Variants in PGS1 observed in about 807,000 individuals in gnomAD.
PGS1 encodes phosphatidylglycerophosphate synthase 1.
In PGS1, 44 loss-of-function variants were observed where a neutral mutation model predicts 58.3. The observed-to-expected ratio is 0.75, with a 90% CI of 0.59 to 0.97. The LOEUF is 0.97. Among genes scored for constraint, PGS1 ranks in the 50% least tolerant of loss-of-function variants. PGS1 has a pLI of 0.00. For synonymous variants in PGS1, 330 were observed against 311.0 expected (o/e 1.06, Z -0.64); for missense variants, 684 against 731.1 (o/e 0.94, Z 0.74).
Position 78,400,567 on chromosome 17 carries a change from G to A in PGS1, c.702-110G>A. 1.2e-6 allele frequency: 1 copy of A among 837,872 alleles called. No individual in the cohort carries two copies. Among genetic ancestry groups the A allele is most frequent in the Non-Finnish European group, 2.0e-6 (1 of 505,306 alleles). The allele number at this position is 837,872 out of a possible 1,614,324, so 51.9% of individuals were successfully genotyped here. ...AGTAGCTATTTGTTAACTGCATCTT[G>A]ACCTGAGTTTGTCACCCCCCTGCTA... On this transcript the variant is annotated intron_variant, in intron 5 of 9. Coordinates refer to ENST00000262764, the MANE Select transcript of PGS1 (RefSeq NM_024419.5). This position sits in a 1 kb window ranked among gnomAD's most constrained non-coding sequence, Gnocchi z 4.4.
chr17:78,418,332 A>G lies in PGS1; in HGVS notation c.1552-1214A>G, dbSNP rs528257961. On this transcript the variant is annotated intron_variant, in intron 8 of 9. Transcript: ENST00000262764. ...AAGAAACTAACCCTTTCTGTAGGGA[A>G]AACCACTGAAGCCATTGTGATGATT... Among the ~76,000 whole-genome samples, 17 of 152,330 alleles carry G rather than the reference A, an allele frequency of 1.1e-4. 1 individual carries two copies. The highest frequency in any genetic ancestry group is 6.5e-4 in the Admixed American group (10 of 15,302).
chr17:78,419,953 T>G, intron 9 of PGS1: 1 of 1,192,514 alleles, frequency 8.4e-7, no homozygotes, highest in Non-Finnish European at 1.1e-6. Flanking sequence ...CCCCTTCTGC[T>G]CTCCCTTCCC....
intron 1 of PGS1, among the ~76,000 whole-genome samples, chr17:78,390,609 G>A (rs1476969609): frequency 6.6e-6 from 1 of 152,180 alleles, no homozygotes; most frequent in Non-Finnish European, 1.5e-5. Flanking sequence ...GGATGTTTGA[G>A]CATCCTCTCC....
chr17:78,399,373 G>A lies in PGS1; in HGVS notation c.537G>A (p.Leu179=). The A allele has an allele frequency of 1.9e-6, 3 of 1,614,048 alleles. No homozygotes were observed. The highest frequency in any genetic ancestry group is 1.7e-6 in the Non-Finnish European group (2 of 1,179,988). Residue 179 remains leucine, a synonymous_variant, in exon 5 of 10, where the codon CTG becomes CTA. Coordinates refer to ENST00000262764, the MANE Select transcript of PGS1 (RefSeq NM_024419.5). ...SRGRKNSRTM[L]LPLLRRFPEQ... ...GCCGGAAGAACTCCCGCACAATGCT[G>A]CTCCCACTCCTGCGGAGGTTCCCAG... is the stretch of plus-strand genomic sequence containing the variant.
At chr17:78,423,972 G>A (rs779330949) in intron 9 of PGS1, 89 bp from the exon 10 acceptor site, 1 of 1,614,066 alleles carries the variant, frequency 6.2e-7, no homozygotes, top group Non-Finnish European at 8.5e-7. Flanking sequence ...TGGTCTTCAA[G>A]TTAAAGGTCC....
chr17:78,399,210 T>TAGG (rs2083465973), intron 4 of PGS1, 138 bp from the exon 5 acceptor site: 1 of 666,206 alleles, frequency 1.5e-6, no homozygotes, highest in East Asian at 2.7e-5. Flanking sequence ...GTCCTCTGGC[T>TAGG]AGGAGTAGCC....
intron 8 of PGS1, among the ~76,000 whole-genome samples, chr17:78,416,960 C>A (rs1420322323): frequency 6.6e-6 from 1 of 152,114 alleles, no homozygotes; most frequent in Non-Finnish European, 1.5e-5. Flanking sequence ...CTCTGGAGAT[C>A]TGCTTGGGAA....
rs148644741 is a variant in PGS1, at chr17:78,419,621, C to T, written c.1627C>T (p.Leu543=). ...CGAGCAGCCGAGTCGCCAGGTGAAGCTGTGGGTGAAGATGGTGACTCCACT... is the reference window on the plus strand; with the variant it reads ...CGAGCAGCCGAGTCGCCAGGTGAAGTTGTGGGTGAAGATGGTGACTCCACT... ...TFEQPSRQVK[L]WVKMVTPLIK... is the part of the protein sequence containing the mutation. Residue 543 remains leucine (L), a synonymous_variant, in exon 9 of 10, where the codon CTG becomes TTG. Coordinates refer to ENST00000262764, the MANE Select transcript of PGS1 (RefSeq NM_024419.5). The T allele has an allele frequency of 6.4e-4, 1,041 of 1,614,132 alleles. 30 individuals carry two copies. The East Asian group carries it at 0.014, about 22-fold the overall frequency.
intron 7 of PGS1, among the ~76,000 whole-genome samples, chr17:78,405,514 A>G (rs564992673): frequency 6.6e-6 from 1 of 152,252 alleles, no homozygotes; most frequent in African/African-American, 2.4e-5. Context: ...ATGCATGTTT[A>G]TCCCTCTCAG....
In PGS1 at chr17:78,424,129, C is replaced by T; in HGVS notation, c.*79C>T. The T allele has an allele frequency of 1.2e-6, 2 of 1,612,840 alleles. No individual in the cohort carries two copies. The highest frequency in any genetic ancestry group is 1.1e-5 in the South Asian group (1 of 91,064). On this transcript the variant is annotated 3_prime_UTR_variant, in exon 10 of 10. Transcript: ENST00000262764. Reference sequence around the variant, plus strand: ...TTTCAGCCGCGCTTCAGCGATGACTCCAGTCTGGGTGTCCCAGCGAGCCCC... The same window carrying T: ...TTTCAGCCGCGCTTCAGCGATGACTTCAGTCTGGGTGTCCCAGCGAGCCCC...
At chr17:78,384,991 G>A (rs1023083729) in intron 1 of PGS1, among the ~76,000 whole-genome samples, 5 of 152,252 alleles carry the variant, frequency 3.3e-5, no homozygotes, top group East Asian at 3.8e-4. Flanking sequence ...CTGTTGACAC[G>A]CGCTGAGGAG....
intron 1 of PGS1, among the ~76,000 whole-genome samples, chr17:78,390,062 T>TTCCCCCCCCCCCCCCCCCCCCCCCCCGCC (rs2082704736): frequency 7.8e-6 from 1 of 128,602 alleles, no homozygotes; most frequent in Non-Finnish European, 1.7e-5. Context: ...TGTTGCCTGT[T>TTCCCCCCCCCCCCCCCCCCCCCCCCCGCC]CCCCCGCCCC....
chr17:78,407,865 A>G (rs1284433925), intron 7 of PGS1, among the ~76,000 whole-genome samples: 1 of 152,180 alleles, frequency 6.6e-6, no homozygotes, highest in East Asian at 1.9e-4. Flanking sequence ...TTCTCATGTA[A>G]AATGACCCCG....
intron 8 of PGS1, among the ~76,000 whole-genome samples, chr17:78,415,928 A>G (rs2085147863): frequency 6.6e-6 from 1 of 152,250 alleles, no homozygotes; most frequent in Non-Finnish European, 1.5e-5. Context: ...ACACTGCCGC[A>G]GGCCAGAGCC....
chr17:78,404,365 T>G (rs1010990428), intron 7 of PGS1, among the ~76,000 whole-genome samples: 1 of 145,486 alleles, frequency 6.9e-6, no homozygotes, highest in Non-Finnish European at 1.5e-5. Context: ...CACCGCAACC[T>G]CCACTTCCCG....
chr17:78,409,983 T>C (rs536193488), intron 7 of PGS1, among the ~76,000 whole-genome samples: 5 of 152,208 alleles, frequency 3.3e-5, no homozygotes, highest in East Asian at 3.9e-4. Context: ...TGGTGGTGCA[T>C]GTCTGTAATC....
At chr17:78,423,336 T>C (rs1181463040) in intron 9 of PGS1, among the ~76,000 whole-genome samples, 2 of 152,116 alleles carry the variant, frequency 1.3e-5, no homozygotes, top group Non-Finnish European at 2.9e-5. Context: ...TCTTCTAGAC[T>C]CTGGGGGCGG....
intron 1 of PGS1, among the ~76,000 whole-genome samples, chr17:78,379,863 T>C (rs1460133600): frequency 6.8e-6 from 1 of 147,362 alleles, no homozygotes; most frequent in Non-Finnish European, 1.5e-5. Flanking sequence ...GCAAATAGTT[T>C]TCTTTTCTTT....
chr17:78,424,000 C>T (rs775238626), intron 9 of PGS1, 61 bp from the exon 10 acceptor site: 98 of 1,613,868 alleles, frequency 6.1e-5, no homozygotes, highest in Admixed American at 1.8e-4. Context: ...GGTGGGGCCG[C>T]GGATGCGTGT....
Sources: allele counts gnomAD v4.1 joint callset (sites outside exome capture counted in the v4.1 genomes callset), GRCh38; gene constraint gnomAD v4.1.1; non-coding constraint Gnocchi (gnomAD v3.1); transcripts MANE v1.5; gene names NCBI Gene and HGNC (gene_info 2026-07-23, HGNC 2026-07-21).